The following GRM7 variants were observed in gnomAD, a reference collection of about 807,000 sequenced individuals.
The protein encoded by GRM7 is glutamate metabotropic receptor 7, also known as metabotropic glutamate receptor 7.
GRM7 carries 35 observed loss-of-function variants against 84.5 expected under a neutral mutation model. The ratio of observed to expected loss-of-function variants is 0.41; its 90% CI spans 0.32 to 0.55. The LOEUF is 0.55. Among genes scored for constraint, GRM7 ranks in the 20% least tolerant of loss-of-function variants. The pLI is 0.19. For missense variants in GRM7, 1,003 were observed against 1,194.6 expected (o/e 0.84, Z 2.36); for synonymous variants, 487 against 455.1 (o/e 1.07, Z -0.89).
chr3:7,026,238 A>G (rs1695978043), intron 1 of GRM7, among the ~76,000 whole-genome samples: 1 of 152,216 alleles, frequency 6.6e-6, no homozygotes, highest in African/African-American at 2.4e-5. Context: ...GAGGTTGTTA[A>G]CTACCAGAGC....
intron 5 of GRM7, among the ~76,000 whole-genome samples, chr3:7,442,634 A>C (rs1469181779): frequency 6.6e-6 from 1 of 152,172 alleles, no homozygotes; most frequent in Admixed American, 6.5e-5. Context: ...CAATCATTCC[A>C]TCCCCACAAC....
intron 1 of GRM7, among the ~76,000 whole-genome samples, chr3:7,126,464 C>T (rs755334612): frequency 6.6e-6 from 1 of 152,098 alleles, no homozygotes; most frequent in Non-Finnish European, 1.5e-5. Context: ...ACATATGAAA[C>T]CCCGAAGGTT....
chr3:7,232,526 G>C (rs759052028), intron 2 of GRM7, among the ~76,000 whole-genome samples: 1 of 152,164 alleles, frequency 6.6e-6, no homozygotes, highest in African/African-American at 2.4e-5. Context: ...ATGTGAAAGA[G>C]GGAAAACTGT....
chr3:7,663,798 T>C (rs1317604516), intron 8 of GRM7, among the ~76,000 whole-genome samples: 2 of 152,176 alleles, frequency 1.3e-5, no homozygotes, highest in African/African-American at 2.4e-5. Flanking sequence ...AGATAATACA[T>C]TGGCACATAA....
chr3:7,453,303 A>T (rs1303424527), intron 6 of GRM7, among the ~76,000 whole-genome samples: 1 of 151,988 alleles, frequency 6.6e-6, no homozygotes, highest in Non-Finnish European at 1.5e-5. Context: ...TTCCTACATG[A>T]TCTATCTGGC....
chr3:7,500,020 C>T (rs550523718), intron 7 of GRM7, among the ~76,000 whole-genome samples: 19 of 152,232 alleles, frequency 1.2e-4, no homozygotes, highest in African/African-American at 2.9e-4. Flanking sequence ...GTGATCTACC[C>T]GCCTTGGCCT....
chr3:7,451,475 A>G (rs80135175), intron 5 of GRM7, among the ~76,000 whole-genome samples: 1,955 of 152,294 alleles, frequency 0.013, 45 homozygotes, highest in African/African-American at 0.044. Flanking sequence ...CTGGCAAAGT[A>G]AACAGCATGA....
intron 1 of GRM7, among the ~76,000 whole-genome samples, chr3:7,086,742 T>G (rs143924550): frequency 1.3e-5 from 2 of 152,082 alleles, no homozygotes; most frequent in Admixed American, 1.3e-4. Context: ...ATAAAGAAAA[T>G]AAAGAGCTAG....
At chr3:7,438,865 A>G (rs974894229) in intron 5 of GRM7, among the ~76,000 whole-genome samples, 10 of 152,106 alleles carry the variant, frequency 6.6e-5, no homozygotes, top group African/African-American at 2.4e-4. Context: ...CCACATATTT[A>G]TGTGAGCAAG....
chr3:6,966,439 T>A (rs182763119), intron 1 of GRM7, among the ~76,000 whole-genome samples: 1 of 152,342 alleles, frequency 6.6e-6, no homozygotes, highest in East Asian at 1.9e-4. Context: ...AAACAGAAGC[T>A]GTTATATTTT....
chr3:7,011,923 T>A (rs1695382938), intron 1 of GRM7, among the ~76,000 whole-genome samples: 1 of 152,208 alleles, frequency 6.6e-6, no homozygotes, highest in Non-Finnish European at 1.5e-5. Context: ...TGGTTCATTT[T>A]TATTCTGTCC....
chr3:7,370,263 A>T (rs1420419374), intron 4 of GRM7, among the ~76,000 whole-genome samples: 1 of 152,190 alleles, frequency 6.6e-6, no homozygotes, highest in Admixed American at 6.6e-5. Context: ...AATGCCCATC[A>T]GTATTAAGTG....
chr3:7,620,768 A>G (rs990915238), intron 8 of GRM7, among the ~76,000 whole-genome samples: 3 of 152,168 alleles, frequency 2.0e-5, no homozygotes, highest in Non-Finnish European at 4.4e-5. Context: ...AACTACCATT[A>G]GCAACTCTTG....
intron 4 of GRM7, among the ~76,000 whole-genome samples, chr3:7,317,990 C>T (rs1700641665): frequency 6.6e-6 from 1 of 151,488 alleles, no homozygotes; most frequent in Non-Finnish European, 1.5e-5. Flanking sequence ...TGAAGAAGAA[C>T]AAGAAAGGGA....
intron 1 of GRM7, among the ~76,000 whole-genome samples, chr3:6,925,089 G>C (rs1030766868): frequency 6.6e-6 from 1 of 152,152 alleles, no homozygotes; most frequent in Non-Finnish European, 1.5e-5. Flanking sequence ...AGTAAAGAAA[G>C]AGAAAAGCAA....
intron 7 of GRM7, among the ~76,000 whole-genome samples, chr3:7,534,835 CT>C (rs1359596529): frequency 1.3e-5 from 2 of 152,236 alleles, no homozygotes; most frequent in East Asian, 3.9e-4. Flanking sequence ...ATCGAGAAAT[CT>C]TTGGCAATAG....
At chr3:6,898,678 G>A (rs1293055613) in intron 1 of GRM7, among the ~76,000 whole-genome samples, 1 of 151,970 alleles carries the variant, frequency 6.6e-6, no homozygotes, top group African/African-American at 2.4e-5. Context: ...ACCTATTTTG[G>A]CTATTTTTTT....
chr3:7,293,046 A>AG (rs1007696566), intron 2 of GRM7, among the ~76,000 whole-genome samples: 1 of 151,636 alleles, frequency 6.6e-6, no homozygotes, highest in Non-Finnish European at 1.5e-5. Flanking sequence ...AAAAAAAAAA[A>AG]AAAAATTGAG....
intron 8 of GRM7, among the ~76,000 whole-genome samples, chr3:7,604,770 G>T (rs187079877): frequency 6.6e-6 from 1 of 152,306 alleles, no homozygotes; most frequent in East Asian, 1.9e-4. Flanking sequence ...ATTCTGTCAT[G>T]TAAAGTAAAG....
Sources: allele counts gnomAD v4.1 joint callset (sites outside exome capture counted in the v4.1 genomes callset), GRCh38; gene constraint gnomAD v4.1.1; transcripts MANE v1.5; gene names NCBI Gene and HGNC (gene_info 2026-07-23, HGNC 2026-07-21).